TLK1: variants seen among roughly 807,000 people sequenced by gnomAD.
The protein encoded by TLK1 is tousled like kinase 1.
In TLK1, 24 loss-of-function variants were observed where a neutral mutation model predicts 105.3. The ratio of observed to expected loss-of-function variants is 0.23; its 90% confidence interval spans 0.17 to 0.32. The LOEUF (loss-of-function observed/expected upper bound fraction) is 0.32. Ranked by LOEUF, TLK1 falls within the 10% of genes least tolerant of loss-of-function variation. TLK1 has a pLI of 1.00. For synonymous variants in TLK1, 321 were observed against 310.4 expected (o/e 1.03, Z -0.36); for missense variants, 558 against 910.5 (o/e 0.61, Z 4.98).
chr2:171,015,717 ACACACACACACACACC>A (rs780828147), intron 12 of TLK1, among the ~76,000 whole-genome samples: 29,824 of 106,954 alleles, frequency 0.28, 3,420 homozygotes, highest in Non-Finnish European at 0.42. Context: ...ACACACACAC[ACACACACACACACACC>A]CACCCCTTTT....
At chr2:171,224,016 G>T (rs1225826992) in intron 1 of TLK1, among the ~76,000 whole-genome samples, 2 of 152,062 alleles carry the variant, frequency 1.3e-5, no homozygotes. Flanking sequence ...TACTCAAGAA[G>T]TCTTTGCCCC....
intron 8 of TLK1, 38 bp downstream of exon 8, chr2:171,053,723 T>G (rs773085009): frequency 1.4e-6 from 2 of 1,467,382 alleles, no homozygotes; most frequent in East Asian, 2.4e-5. Flanking sequence ...GCCAAATAAT[T>G]TATTCAATTT....
At chr2:171,154,354 T>C (rs1692155262) in intron 1 of TLK1, 1 of 152,090 alleles carries the variant, frequency 6.6e-6, no homozygotes, top group Non-Finnish European at 1.5e-5. Context: ...AAGAGACCTT[T>C]GAGAGCCTCT....
At chr2:171,143,506 C>CAAAAAAAAA (rs577555732) in intron 1 of TLK1, among the ~76,000 whole-genome samples, 6 of 44,304 alleles carry the variant, frequency 1.4e-4, no homozygotes, top group African/African-American at 2.4e-4. Context: ...ACTCTATCTC[C>CAAAAAAAAA]AAAAAAAAAA....
chr2:171,162,550 A>C (rs1481841271), upstream of TLK1, among the ~76,000 whole-genome samples: 12 of 152,332 alleles, frequency 7.9e-5, no homozygotes, highest in Middle Eastern at 0.014. Flanking sequence ...TGTCTCAAAA[A>C]AATAAAAATA....
At chr2:171,090,588 A>G (rs13382924) in intron 2 of TLK1, among the ~76,000 whole-genome samples, 8,884 of 152,226 alleles carry the variant, frequency 0.058, 799 homozygotes, top group African/African-American at 0.19. Flanking sequence ...AAGTCATCAA[A>G]TCCTTGGGAT....
chr2:171,117,796 A>G lies in TLK1; in HGVS notation c.201T>C (p.Phe67=). The G allele has an allele frequency of 6.2e-7, 1 of 1,614,070 alleles. No individual in the cohort carries two copies. The highest frequency in any genetic ancestry group is 8.5e-7 in the Non-Finnish European group (1 of 1,179,982). Residue 67 remains phenylalanine, a synonymous_variant, in exon 2 of 21, where the codon TTT becomes TTC. Transcript: ENST00000431350. ...PRRQELLEAR[F]TGVASGSTGS... is the part of the protein sequence containing the mutation. The stretch of plus-strand genomic sequence containing the variant: ...CAGTGCTCCCACTTGCAACTCCAGT[A>G]AATCTAGCTTCCAATAACTCTTGCC...
intron 1 of TLK1, among the ~76,000 whole-genome samples, chr2:171,184,200 G>T (rs1692979554): frequency 6.6e-6 from 1 of 152,156 alleles, no homozygotes; most frequent in Non-Finnish European, 1.5e-5. Context: ...CAGGGAACTA[G>T]GTTCTCACCT....
At chr2:171,042,039 GCCATGTAGTAC>G (rs1686700732) in intron 11 of TLK1, among the ~76,000 whole-genome samples, 1 of 152,124 alleles carries the variant, frequency 6.6e-6, no homozygotes, top group African/African-American at 2.4e-5. Flanking sequence ...CAATCAAATT[GCCATGTAGTAC>G]CCATCACTTC....
chr2:171,066,506 T>G (rs1337459409), intron 3 of TLK1, among the ~76,000 whole-genome samples: 1 of 152,190 alleles, frequency 6.6e-6, no homozygotes, highest in African/African-American at 2.4e-5. Flanking sequence ...TATTTACACA[T>G]GCACAGCATT....
At chr2:171,158,402 C>A (rs576879578) in intron 1 of TLK1, among the ~76,000 whole-genome samples, 17 of 152,274 alleles carry the variant, frequency 1.1e-4, no homozygotes, top group Non-Finnish European at 1.6e-4. Flanking sequence ...TCCAACCCCT[C>A]CAAATTTTCA....
Position 170,993,693 on chromosome 2 carries a change from A to AAT in TLK1, c.*86_*87insAT. The AAT allele has an allele frequency of 9.5e-7, 1 of 1,057,366 alleles. No homozygotes were observed. The highest frequency in any genetic ancestry group is 1.3e-6 in the Non-Finnish European group (1 of 785,596). The allele number at this position is 1,057,366 out of a possible 1,614,324, so 65.5% of individuals were successfully genotyped here. A position where few individuals can be genotyped will look rare whatever the true frequency, so the allele number is the denominator to read the frequency against. ...TAAAAAAAAAAAAAAAAAAAAAAGA[A>AAT]AAAGAAAACAAACACTCAAATGCTC... On this transcript the variant is annotated 3_prime_UTR_variant, in exon 21 of 21. Transcript: ENST00000431350.
rs1388306053 is a variant in TLK1, at chr2:171,137,898, C to A, written c.140-20041G>T. Among the ~76,000 whole-genome samples the A allele has an allele frequency of 2.0e-5, 3 of 151,564 alleles. 1 individual carries two copies. Among genetic ancestry groups the A allele is most frequent in the Non-Finnish European group, 4.4e-5 (3 of 67,872 alleles). ...AAGTAAAAAATAAAAAAAAAACTTT[C>A]ATTAGTTATTAAGCTCTTTGAGCAC... On this transcript the variant is annotated intron_variant, in intron 1 of 20. Transcript: ENST00000431350.
intron 12 of TLK1, among the ~76,000 whole-genome samples, chr2:171,018,025 G>A (rs1174873577): frequency 6.6e-6 from 1 of 152,188 alleles, no homozygotes; most frequent in Non-Finnish European, 1.5e-5. Flanking sequence ...GTGATGGGCT[G>A]AATGTCTGTG....
At position 171,160,728 on chromosome 2, in the gene TLK1, G is replaced by A. The variant is rs1267844972; in HGVS notation, c.-300C>T. The A allele has an allele frequency of 4.4e-6, 2 of 455,892 alleles. No individual in the cohort carries two copies. Among genetic ancestry groups the A allele is most frequent in the Non-Finnish European group, 7.5e-6 (2 of 265,924 alleles). The allele number at this position is 455,892 out of a possible 1,614,324, so 28.2% of individuals were successfully genotyped here. ...CGGCGGAGGCGTCGAGGGGGTGCCA[G>A]CCGGGCCGGGGTCGGAGCGCGGGCG... On this transcript the variant is annotated 5_prime_UTR_variant, in exon 1 of 21. Transcript: ENST00000431350. This position sits in a 1 kb window ranked among gnomAD's most constrained non-coding sequence, Gnocchi z 4.4.
At position 171,201,755 on chromosome 2, in the gene TLK1, A is replaced by G. The variant is rs146003362; in HGVS notation, c.-6+29390T>C. On this transcript the variant is annotated intron_variant, in intron 1 of 20. Coordinates refer to the TLK1 transcript ENST00000521943. ...AAAGGGAGCTGTTCCATCACCCTGA[A>G]GTCATATCTCTTCACGCACGGTCTC... 2.8e-3 allele frequency among the ~76,000 whole-genome samples: 424 copies of G among 152,304 alleles called. 3 individuals carry two copies. The highest frequency in any genetic ancestry group is 9.8e-3 in the African/African-American group (406 of 41,554).
intron 13 of TLK1, among the ~76,000 whole-genome samples, chr2:171,011,832 G>C (rs2557794): frequency 6.6e-6 from 1 of 151,780 alleles, no homozygotes; most frequent in Admixed American, 6.6e-5. Context: ...AGCTTTTACA[G>C]TATTGACATA....
chr2:171,079,616 C>T (rs1006249554), intron 3 of TLK1, among the ~76,000 whole-genome samples: 3 of 152,280 alleles, frequency 2.0e-5, no homozygotes, highest in Admixed American at 6.5e-5. Flanking sequence ...ACCTTCTTAC[C>T]TACCATCTTC....
intron 2 of TLK1, among the ~76,000 whole-genome samples, chr2:171,093,887 G>A (rs946408346): frequency 5.9e-5 from 9 of 151,796 alleles, no homozygotes; most frequent in African/African-American, 1.7e-4. Context: ...TGCTCTAGAC[G>A]CCACCTGATT....
Sources: allele counts gnomAD v4.1 joint callset (sites outside exome capture counted in the v4.1 genomes callset), GRCh38; gene constraint gnomAD v4.1.1; non-coding constraint Gnocchi (gnomAD v3.1); transcripts MANE v1.5; gene names NCBI Gene and HGNC (gene_info 2026-07-23, HGNC 2026-07-21).